Variants in CNTLN observed in about 807,000 individuals in gnomAD.
CNTLN encodes the protein centlein, centrosomal protein.
Under a neutral mutation model 180.0 loss-of-function variants are expected in CNTLN, and 212 were observed. The observed-to-expected ratio is 1.18, with a 90% CI of 1.05 to 1.32. CNTLN has a LOEUF of 1.32. CNTLN is among the 40% of genes most tolerant of loss of function. CNTLN has a pLI of 0.00. For synonymous variants in CNTLN, 722 were observed against 563.1 expected, an observed-to-expected ratio of 1.28 and a Z score of -3.99; for missense variants, 2,095 against 1,610.9, an observed-to-expected ratio of 1.30 and a Z score of -5.14.
chr9:17,385,155 A>C (rs548861628), intron 13 of CNTLN, among the ~76,000 whole-genome samples: 1 of 152,342 alleles, frequency 6.6e-6, no homozygotes, highest in South Asian at 2.1e-4. Context: ...TGCATAGTTC[A>C]TGGTATGGAG....
At chr9:17,189,586 C>T (rs953638297) in intron 2 of CNTLN, among the ~76,000 whole-genome samples, 2 of 151,620 alleles carry the variant, frequency 1.3e-5, no homozygotes, top group African/African-American at 4.9e-5. Context: ...CAGGTTCAAG[C>T]GATTCTCCTG....
At chr9:17,333,190 A>T (rs1419554602) in intron 10 of CNTLN, among the ~76,000 whole-genome samples, 1 of 152,106 alleles carries the variant, frequency 6.6e-6, no homozygotes, top group African/African-American at 2.4e-5. Flanking sequence ...TTTTCATTTC[A>T]GCTGAATTTG....
chr9:17,214,453 G>C (rs549242031), intron 2 of CNTLN, among the ~76,000 whole-genome samples: 6 of 152,194 alleles, frequency 3.9e-5, no homozygotes, highest in African/African-American at 1.4e-4. Context: ...TCCCTTTGTG[G>C]GTAACCCGAC....
intron 2 of CNTLN, among the ~76,000 whole-genome samples, chr9:17,147,570 C>G (rs1208287626): frequency 6.6e-6 from 1 of 151,958 alleles, no homozygotes; most frequent in Non-Finnish European, 1.5e-5. Flanking sequence ...CTCTATGAGT[C>G]TATGCTTCTG....
chr9:17,237,197 T>A (rs1825198655), intron 5 of CNTLN, among the ~76,000 whole-genome samples: 1 of 152,196 alleles, frequency 6.6e-6, no homozygotes, highest in African/African-American at 2.4e-5. Context: ...TTTTTCAAAA[T>A]AATACTTTTT....
At chr9:17,270,332 T>C (rs1282524408) in intron 5 of CNTLN, among the ~76,000 whole-genome samples, 1 of 152,144 alleles carries the variant, frequency 6.6e-6, no homozygotes, top group African/African-American at 2.4e-5. Context: ...CGTAAGGTGT[T>C]GGATTGTTTT....
chr9:17,237,354 TAC>T (rs59168012), intron 5 of CNTLN, among the ~76,000 whole-genome samples: 32,393 of 105,774 alleles, frequency 0.31, 5,372 homozygotes, highest in Non-Finnish European at 0.38. Context: ...TATATGCCCC[TAC>T]ACACACACAC....
chr9:17,480,662 A>G (rs763532614), intron 23 of CNTLN, among the ~76,000 whole-genome samples: 3 of 152,324 alleles, frequency 2.0e-5, no homozygotes, highest in South Asian at 2.1e-4. Context: ...TGTTTTAGCT[A>G]TCTGCCTCGA....
chr9:17,383,156 T>C (rs1263940219), intron 13 of CNTLN, among the ~76,000 whole-genome samples: 1 of 152,094 alleles, frequency 6.6e-6, no homozygotes, highest in Non-Finnish European at 1.5e-5. Flanking sequence ...TATATGTATA[T>C]ACACACACAA....
chr9:17,304,448 G>A (rs924333362), intron 7 of CNTLN, among the ~76,000 whole-genome samples: 1 of 152,072 alleles, frequency 6.6e-6, no homozygotes, highest in African/African-American at 2.4e-5. Context: ...CATGGTTGGG[G>A]TACTAACATG....
At chr9:17,243,979 TG>T in intron 5 of CNTLN, among the ~76,000 whole-genome samples, 2 of 152,218 alleles carry the variant, frequency 1.3e-5, no homozygotes, top group East Asian at 3.9e-4. Context: ...TTATATATCT[TG>T]GTGCTCCAGT....
chr9:17,403,739 C>G lies in CNTLN; in HGVS notation c.2616-5554C>G, dbSNP rs187738812. Among the ~76,000 whole-genome samples the G allele has an allele frequency of 2.2e-3, 341 of 151,750 alleles. 13 individuals are homozygous for G. The highest frequency in any genetic ancestry group is 7.9e-3 in the African/African-American group (327 of 41,150). On this transcript the variant is annotated intron_variant, in intron 15 of 25. Transcript: ENST00000380647. ...TAGGACTGGGAGGTAGGGAGGTGGC[C>G]TAGTCAGCATTTTCCCAGAGAAGCA...
chr9:17,247,486 A>G (rs1467216430), intron 5 of CNTLN, among the ~76,000 whole-genome samples: 1 of 152,192 alleles, frequency 6.6e-6, no homozygotes, highest in Non-Finnish European at 1.5e-5. Flanking sequence ...TCTCTGCACC[A>G]TGCAGCTACT....
chr9:17,263,943 G>C (rs1330341357), intron 5 of CNTLN, among the ~76,000 whole-genome samples: 5 of 142,584 alleles, frequency 3.5e-5, no homozygotes, highest in Non-Finnish European at 7.6e-5. Context: ...CTGGATATTA[G>C]CCCTTTGTCA....
intron 2 of CNTLN, among the ~76,000 whole-genome samples, chr9:17,187,714 G>A (rs1026212143): frequency 5.9e-5 from 9 of 151,402 alleles, no homozygotes; most frequent in African/African-American, 2.2e-4. Context: ...TTATTGTTAT[G>A]TTATTGTTTT....
intron 18 of CNTLN, among the ~76,000 whole-genome samples, chr9:17,424,349 A>G (rs1473571369): frequency 6.6e-6 from 1 of 152,150 alleles, no homozygotes; most frequent in East Asian, 1.9e-4. Flanking sequence ...AAACATGAAA[A>G]TTAGTCCCAA....
At chr9:17,482,263 A>C (rs1832689791) in intron 23 of CNTLN, among the ~76,000 whole-genome samples, 1 of 152,166 alleles carries the variant, frequency 6.6e-6, no homozygotes, top group Admixed American at 6.5e-5. Flanking sequence ...TAGAGGTATA[A>C]AGATTTAAAA....
chr9:17,463,419 G>T (rs563273819), intron 20 of CNTLN, among the ~76,000 whole-genome samples: 2 of 151,590 alleles, frequency 1.3e-5, no homozygotes, highest in African/African-American at 2.4e-5. Flanking sequence ...AATAACTGGA[G>T]GTTATGGAAG....
At chr9:17,320,588 C>T (rs540009837) in intron 8 of CNTLN, among the ~76,000 whole-genome samples, 5 of 152,188 alleles carry the variant, frequency 3.3e-5, no homozygotes, top group African/African-American at 9.6e-5. Context: ...CTGCAACCTC[C>T]GCCTCCTGGG....
Sources: gnomAD v4.1 joint callset for allele counts (sites outside exome capture counted in the v4.1 genomes callset) on GRCh38, gnomAD v4.1.1 for gene constraint, MANE v1.5 for transcripts, NCBI Gene and HGNC (gene_info 2026-07-23, HGNC 2026-07-21) for gene names.